Variants in NIN observed in about 807,000 individuals in gnomAD.
NIN encodes glycogen synthase kinase 3 beta-interacting protein.
Under a neutral mutation model 257.6 loss-of-function variants are expected in NIN, and 137 were observed. That is an observed-to-expected ratio of 0.53 (90% CI 0.46 to 0.61). The LOEUF is 0.61. NIN is among the 20% of genes least tolerant of loss of function. The pLI is 0.00. For missense variants in NIN, 2,439 were observed against 2,501.2 expected (o/e 0.98, Z 0.53); for synonymous variants, 918 against 919.8 (o/e 1.00, Z 0.04).
At chr14:50,789,707 A>G (rs372702671) in intron 5 of NIN, among the ~76,000 whole-genome samples, 1 of 152,260 alleles carries the variant, frequency 6.6e-6, no homozygotes, top group East Asian at 1.9e-4. Flanking sequence ...GCTGGGGGCC[A>G]CTCTAGAACA....
rs376367833 is a variant in NIN, at chr14:50,758,476, G to A, written c.2554C>T (p.Arg852Cys). ...QELKDLQEQQ[R>C]EEKSQWEFEK... The stretch of plus-strand genomic sequence containing the variant: ...AATTCCCACTGGGATTTCTCCTCAC[G>A]CTGCTGTTCCTGGAGGTCCTTCAGC... The change falls in exon 18 of 31, where the codon CGT (arginine) becomes TGT (cysteine). Residue 852 changes from arginine to cysteine, a missense_variant. This residue lies in a region of NIN where 2,043 missense variants were observed against 2,050.2 expected (regional missense o/e 1.00). Transcript: ENST00000530997. 5.6e-6 allele frequency: 9 copies of A among 1,614,034 alleles called. No individual in the cohort carries two copies. Among genetic ancestry groups the A allele is most frequent in the Admixed American group, 5.0e-5 (3 of 60,004 alleles).
rs1352039149 is a variant in NIN at position 50,734,079 on chromosome 14, CTTCTTTATTTTTTTTTTTTT to C, written c.5877+1417_5877+1436del. 2.8e-4 allele frequency among the ~76,000 whole-genome samples: 42 copies of C among 148,538 alleles called. No homozygotes were observed. In the East Asian group the frequency reaches 7.6e-3, roughly 27 times the overall value. ...TTAAATAGCTCCATTTCTTCTTTTTCTTCTTTATTTTTTTTTTTTTTTCTTTTTGAGATGGAGTCCGGCAT... is the reference window on the plus strand; with the variant it reads ...TTAAATAGCTCCATTTCTTCTTTTTCTTCTTTTTGAGATGGAGTCCGGCAT... On this transcript the variant is annotated intron_variant, in intron 28 of 30. Transcript: ENST00000530997.
At position 50,722,607 on chromosome 14, in the gene NIN, T is replaced by C. The variant is rs765232134; in HGVS notation, c.*856A>G. 3 of 213,266 alleles carry C rather than the reference T, an allele frequency of 1.4e-5. No homozygotes were observed. Among genetic ancestry groups the C allele is most frequent in the Non-Finnish European group, 2.9e-5 (3 of 105,106 alleles). The allele number at this position is 213,266 out of a possible 1,614,324, so 13.2% of individuals were successfully genotyped here. Reference sequence around the variant, plus strand: ...CAAGTAAATTTATGAACTCTAAGATTTGAGAGACAGAAAACCTACATGGTC... The same window carrying C: ...CAAGTAAATTTATGAACTCTAAGATCTGAGAGACAGAAAACCTACATGGTC... On this transcript the variant is annotated 3_prime_UTR_variant, in exon 31 of 31. Coordinates refer to ENST00000530997, the MANE Select transcript of NIN (RefSeq NM_020921.4).
chr14:50,811,787 G>A (rs2044629310), intron 3 of NIN, among the ~76,000 whole-genome samples: 1 of 151,898 alleles, frequency 6.6e-6, no homozygotes, highest in Admixed American at 6.6e-5. Context: ...AAGGTCAGGA[G>A]ATCGAGACCA....
In NIN at chr14:50,766,311, C is replaced by G; in HGVS notation, c.1631G>C (p.Cys544Ser). The change falls in exon 14 of 31, where the codon TGC becomes TCC. Residue 544 changes from cysteine (C) to serine (S), a missense_variant. Coordinates refer to ENST00000530997, the MANE Select transcript of NIN (RefSeq NM_020921.4). ...CAGTTCTCTTTGTCTACCTACCCTG[C>G]ACTGCCGCTCATATTCATTTCTCAT... ...TQMRNEYERQCRVLQDQVDEL... is the reference protein window; with the variant it reads ...TQMRNEYERQSRVLQDQVDEL... 6.2e-7 allele frequency: 1 copy of G among 1,613,308 alleles called. No homozygotes were observed. The highest frequency in any genetic ancestry group is 8.5e-7 in the Non-Finnish European group (1 of 1,179,282).
chr14:50,727,340 T>C (rs2040458516), intron 29 of NIN: 2 of 986,252 alleles, frequency 2.0e-6, no homozygotes, highest in African/African-American at 3.5e-5. Context: ...AAATTCCATA[T>C]ATAAAAGTAG....
chr14:50,813,024 T>C (rs2044708838), intron 3 of NIN, among the ~76,000 whole-genome samples: 1 of 152,234 alleles, frequency 6.6e-6, no homozygotes, highest in Non-Finnish European at 1.5e-5. Flanking sequence ...ATGCCTCATC[T>C]TTCAAAGAGA....
At chr14:50,725,248 C>G (rs905331693) in intron 30 of NIN, among the ~76,000 whole-genome samples, 8 of 152,072 alleles carry the variant, frequency 5.3e-5, no homozygotes, top group African/African-American at 1.9e-4. Flanking sequence ...CCCCCCACCC[C>G]ACATGTTCAT....
intron 25 of NIN, among the ~76,000 whole-genome samples, chr14:50,740,793 G>GT (rs1464971714): frequency 6.6e-6 from 1 of 152,158 alleles, no homozygotes; most frequent in Non-Finnish European, 1.5e-5. Context: ...AAAACAACTA[G>GT]TTTTTTTATA....
At chr14:50,728,255 T>G (rs946272038) in intron 29 of NIN, among the ~76,000 whole-genome samples, 1 of 152,162 alleles carries the variant, frequency 6.6e-6, no homozygotes, top group Non-Finnish European at 1.5e-5. Flanking sequence ...TGTAGTTCAA[T>G]TATATACTGG....
At chr14:50,727,444 A>G (rs913427489) in intron 29 of NIN, 1 of 1,166,394 alleles carries the variant, frequency 8.6e-7, no homozygotes, top group African/African-American at 1.6e-5. Context: ...TTTAAAGGGT[A>G]TAAATAAAAT....
In NIN at chr14:50,739,505, G is replaced by C. The variant is rs1185126332; in HGVS notation, c.5449-18C>G. ...GCCCAGCTCTTAAGAGAATTGCAGA[G>C]TGTAAGCCTTAAAAACAAGCTATTG... On this transcript the variant is annotated intron_variant, in intron 25 of 30. Coordinates refer to ENST00000530997, the MANE Select transcript of NIN (RefSeq NM_020921.4). 3 of 1,608,634 alleles carry C rather than the reference G, an allele frequency of 1.9e-6. No individual in the cohort carries two copies. The African/African-American group carries it at 4.0e-5, about 22-fold the overall frequency.
At position 50,766,796 on chromosome 14, in the gene NIN, T is replaced by G; in HGVS notation, c.1529A>C (p.Asn510Thr). Residue 510 changes from asparagine (N) to threonine (T), a missense_variant, in exon 13 of 31, where the codon AAT becomes ACT. Around this residue, in one of 3 missense-constraint regions of NIN, gnomAD observed 2,043 missense variants for 2,050.2 expected, o/e 1.00. Coordinates refer to ENST00000530997, the MANE Select transcript of NIN (RefSeq NM_020921.4). ...CAGGTTTACCTTTTCTGCTAACACA[T>G]TTTCCAAATTTCTCTGAAGTTTGTT... The part of the protein sequence containing the change: ...LTNKLQRNLE[N>T]VLAEKFGDLD... 6.2e-7 allele frequency: 1 copy of G among 1,611,368 alleles called. No homozygotes were observed. Among genetic ancestry groups the G allele is most frequent in the Non-Finnish European group, 8.5e-7 (1 of 1,177,536 alleles).
intron 2 of NIN, among the ~76,000 whole-genome samples, chr14:50,827,027 C>T (rs1317165173): frequency 1.3e-5 from 2 of 152,204 alleles, no homozygotes; most frequent in Non-Finnish European, 2.9e-5. Flanking sequence ...GCAAAGCTCT[C>T]CATTTATGCC....
intron 27 of NIN, among the ~76,000 whole-genome samples, chr14:50,737,540 T>C (rs750175187): frequency 6.2e-4 from 93 of 149,066 alleles, no homozygotes; most frequent in Non-Finnish European, 1.2e-3. Context: ...AAGATGTTTC[T>C]AATATTCGAG....
rs138945009 is a variant in NIN at position 50,811,453 on chromosome 14, A to C, written c.184-4635T>G. On this transcript the variant is annotated intron_variant, in intron 3 of 30. Transcript: ENST00000530997. ...AACACAGAAGAAAAACTAATGGGTC[A>C]GGAGATTTGAAATGATCAAGAACAA... Among the ~76,000 whole-genome samples, 514 of 151,470 alleles carry C rather than the reference A, an allele frequency of 3.4e-3. 3 individuals are homozygous for C. The highest frequency in any genetic ancestry group is 0.012 in the African/African-American group (492 of 41,364).
At chr14:50,802,131 C>T (rs1277779870) in intron 4 of NIN, among the ~76,000 whole-genome samples, 1 of 152,070 alleles carries the variant, frequency 6.6e-6, no homozygotes, top group East Asian at 1.9e-4. Flanking sequence ...TCTCCTATTC[C>T]AGAAAAATAA....
rs919715834 is a variant in NIN, at chr14:50,739,428, C to T, written c.5508G>A (p.Leu1836=). 8.7e-6 allele frequency: 14 copies of T among 1,614,222 alleles called. No individual in the cohort carries two copies. Among genetic ancestry groups the T allele is most frequent in the Non-Finnish European group, 1.2e-5 (14 of 1,180,030 alleles). The part of the protein sequence containing the change: ...PSGLHNQQKR[L]SWDKLDHLMN... Reference sequence around the variant, plus strand: ...TCAGATGATCCAACTTGTCCCAGGACAGCCTTTTCTGCTGGTTATGGAGCC... The same window carrying T: ...TCAGATGATCCAACTTGTCCCAGGATAGCCTTTTCTGCTGGTTATGGAGCC... The change falls in exon 26 of 31, where the codon CTG becomes CTA. Residue 1836 remains leucine, a synonymous_variant. Coordinates refer to ENST00000530997, the MANE Select transcript of NIN (RefSeq NM_020921.4).
At chr14:50,774,655 G>T in intron 7 of NIN, among the ~76,000 whole-genome samples, 1 of 152,326 alleles carries the variant, frequency 6.6e-6, no homozygotes, top group South Asian at 2.1e-4. Context: ...TCAAGTCCAG[G>T]TGTGTTGACT....
Sources: gnomAD v4.1 joint callset for allele counts (sites outside exome capture counted in the v4.1 genomes callset) on GRCh38, gnomAD v4.1.1 for gene constraint, gnomAD v4.1.1 regional missense constraint, MANE v1.5 for transcripts, NCBI Gene and HGNC (gene_info 2026-07-23, HGNC 2026-07-21) for gene names.